The following GABRB1 variants were observed in gnomAD, a reference collection of about 807,000 sequenced individuals.
The protein encoded by GABRB1 is gamma-aminobutyric acid type A receptor subunit beta1, also known as gamma-aminobutyric acid receptor subunit beta-1.
A neutral mutation model predicts 51.6 loss-of-function variants in GABRB1; 17 were observed. The ratio of observed to expected loss-of-function variants is 0.33; its 90% CI spans 0.23 to 0.49. GABRB1 has a LOEUF of 0.49. Ranked by LOEUF, GABRB1 falls within the 20% of genes least tolerant of loss-of-function variation. The probability of loss-of-function intolerance (pLI) is 0.99; values close to 1 mark genes in which losing one functional copy is unlikely to be tolerated. For synonymous variants in GABRB1, 247 were observed against 218.9 expected (o/e 1.13, Z -1.14); for missense variants, 410 against 600.6 (o/e 0.68, Z 3.32).
At chr4:47,209,509 A>T (rs960041246) in intron 4 of GABRB1, among the ~76,000 whole-genome samples, 3 of 152,132 alleles carry the variant, frequency 2.0e-5, no homozygotes, top group Non-Finnish European at 4.4e-5. Context: ...CCCTTTTGTT[A>T]TACTACTTCT....
intron 5 of GABRB1, among the ~76,000 whole-genome samples, chr4:47,400,581 TCTC>T: frequency 6.6e-6 from 1 of 150,982 alleles, no homozygotes; most frequent in South Asian, 2.1e-4. Context: ...TTTTCTTCTC[TCTC>T]TTTTTTTTCA....
At chr4:47,042,005 A>C (rs940581276) in intron 3 of GABRB1, among the ~76,000 whole-genome samples, 1 of 152,210 alleles carries the variant, frequency 6.6e-6, no homozygotes, top group East Asian at 1.9e-4. Flanking sequence ...AAAAGACAAA[A>C]GACCCAATAT....
At position 47,084,634 on chromosome 4, in the gene GABRB1, A is replaced by C. The variant is rs936457767; in HGVS notation, c.240+52150A>C. ...AATAGTTTTTGTAATGGCAGATATA[A>C]TTACTTTGGGGTTTCCCTTACCTAC... On this transcript the variant is annotated intron_variant, in intron 3 of 8. Coordinates refer to ENST00000295454, the MANE Select transcript of GABRB1 (RefSeq NM_000812.4). Among the ~76,000 whole-genome samples the C allele has an allele frequency of 2.6e-5, 4 of 152,178 alleles. No individual in the cohort carries two copies. In the East Asian group the frequency reaches 7.7e-4, roughly 29 times the overall value.
At chr4:47,218,665 G>A (rs2109820442) in intron 4 of GABRB1, among the ~76,000 whole-genome samples, 1 of 151,824 alleles carries the variant, frequency 6.6e-6, no homozygotes, top group Non-Finnish European at 1.5e-5. Flanking sequence ...TGGCTCACTT[G>A]TTTTCATGTC....
intron 4 of GABRB1, among the ~76,000 whole-genome samples, chr4:47,194,290 C>A (rs1719557911): frequency 6.6e-6 from 1 of 152,076 alleles, no homozygotes; most frequent in Admixed American, 6.6e-5. Context: ...CTTTAGTGAG[C>A]TTAAGAACTA....
At chr4:47,398,505 G>A (rs1200633811) in intron 5 of GABRB1, among the ~76,000 whole-genome samples, 1 of 152,068 alleles carries the variant, frequency 6.6e-6, no homozygotes, top group Non-Finnish European at 1.5e-5. Context: ...TGCTGGTTTG[G>A]GACCAGGAAA....
chr4:47,029,041 C>T (rs1560501493), upstream of GABRB1, among the ~76,000 whole-genome samples: 1 of 151,702 alleles, frequency 6.6e-6, no homozygotes, highest in Non-Finnish European at 1.5e-5. Flanking sequence ...AGCATGTAGA[C>T]ATTCAACTAT....
chr4:47,128,603 A>G (rs1360208630), intron 3 of GABRB1, among the ~76,000 whole-genome samples: 1 of 152,088 alleles, frequency 6.6e-6, no homozygotes, highest in Non-Finnish European at 1.5e-5. Context: ...AACTTAGAGT[A>G]TAGAAATCAT....
At chr4:47,227,327 AT>A (rs1269201560) in intron 4 of GABRB1, among the ~76,000 whole-genome samples, 22 of 152,158 alleles carry the variant, frequency 1.4e-4, no homozygotes, top group Non-Finnish European at 3.2e-4. Flanking sequence ...ATTGAAAGCA[AT>A]TGCTTACATT....
chr4:47,093,589 AT>A (rs1439063930), intron 3 of GABRB1, among the ~76,000 whole-genome samples: 2 of 152,216 alleles, frequency 1.3e-5, no homozygotes, highest in African/African-American at 2.4e-5. Context: ...AACAAAAAAA[AT>A]CTCATATTAC....
At chr4:47,222,063 C>G (rs890921262) in intron 4 of GABRB1, among the ~76,000 whole-genome samples, 64 of 152,020 alleles carry the variant, frequency 4.2e-4, no homozygotes, top group Admixed American at 2.1e-3. Flanking sequence ...AAAAACATAG[C>G]ACTAAATATA....
intron 1 of GABRB1, among the ~76,000 whole-genome samples, chr4:47,014,837 T>G (rs932492650): frequency 3.9e-5 from 6 of 152,176 alleles, no homozygotes; most frequent in Non-Finnish European, 8.8e-5. Context: ...AAGTATAGAA[T>G]AAGGCTATAG....
intron 3 of GABRB1, among the ~76,000 whole-genome samples, chr4:47,136,405 C>T (rs1716654234): frequency 6.6e-6 from 1 of 151,894 alleles, no homozygotes; most frequent in African/African-American, 2.4e-5. Context: ...CCTTGATTGA[C>T]TTGTACAGCC....
At chr4:47,013,417 C>A (rs1259636173) in intron 1 of GABRB1, among the ~76,000 whole-genome samples, 1 of 152,148 alleles carries the variant, frequency 6.6e-6, no homozygotes, top group East Asian at 1.9e-4. Flanking sequence ...ACCCTAGCCT[C>A]CCGAGTGCTG....
At chr4:47,371,476 T>G (rs1727193185) in intron 5 of GABRB1, among the ~76,000 whole-genome samples, 4 of 152,190 alleles carry the variant, frequency 2.6e-5, no homozygotes, top group South Asian at 2.1e-4. Context: ...CTGGTTCAAG[T>G]GGTATTTCTG....
At chr4:47,122,802 T>C (rs1441227057) in intron 3 of GABRB1, among the ~76,000 whole-genome samples, 1 of 152,146 alleles carries the variant, frequency 6.6e-6, no homozygotes. Flanking sequence ...GGCAAGAAGC[T>C]CACTGGAAAC....
rs1186577954 is a variant in GABRB1, at chr4:47,403,593, A to G, written c.717A>G (p.Leu239=). The G allele has an allele frequency of 6.2e-7, 1 of 1,614,032 alleles. No individual in the cohort carries two copies. Among genetic ancestry groups the G allele is most frequent in the South Asian group, 1.1e-5 (1 of 91,088 alleles). The change falls in exon 7 of 9, where the codon CTA becomes CTG. Residue 239 remains leucine, a synonymous_variant. Transcript: ENST00000295454. ...AYPRLSLSFR[L]KRNIGYFILQ... The stretch of plus-strand genomic sequence containing the variant: ...CACGACTGTCACTAAGTTTTCGTCT[A>G]AAGAGAAACATTGGTTACTTCATTT...
At chr4:47,112,703 C>G (rs1487282736) in intron 3 of GABRB1, among the ~76,000 whole-genome samples, 1 of 151,980 alleles carries the variant, frequency 6.6e-6, no homozygotes, top group African/African-American at 2.4e-5. Context: ...TTCAATGAAT[C>G]TTTATTAAGT....
At chr4:47,291,892 C>T (rs143045384) in intron 4 of GABRB1, among the ~76,000 whole-genome samples, 3,051 of 152,244 alleles carry the variant, frequency 0.02, 90 homozygotes, top group African/African-American at 0.069. Flanking sequence ...AAGGGACTTG[C>T]CTTGTCTCAG....
Sources: gnomAD v4.1 joint callset for allele counts (sites outside exome capture counted in the v4.1 genomes callset) on GRCh38, gnomAD v4.1.1 for gene constraint, MANE v1.5 for transcripts, NCBI Gene and HGNC (gene_info 2026-07-23, HGNC 2026-07-21) for gene names.